RBFOX3: variants seen among roughly 807,000 people sequenced by gnomAD.
RBFOX3 encodes the protein RNA binding protein fox-1 homolog 3.
A neutral mutation model predicts 48.7 loss-of-function variants in RBFOX3; 17 were observed. The ratio of observed to expected loss-of-function variants is 0.35; its 90% confidence interval spans 0.24 to 0.52. RBFOX3 has a LOEUF of 0.52. Among genes scored for constraint, RBFOX3 ranks in the 20% least tolerant of loss-of-function variants. The probability of loss-of-function intolerance (pLI) is 0.94; values close to 1 mark genes in which losing one functional copy is unlikely to be tolerated. For missense variants in RBFOX3, 382 were observed against 497.5 expected, an observed-to-expected ratio of 0.77 and a Z score of 2.21; for synonymous variants, 212 against 209.5, an observed-to-expected ratio of 1.01 and a Z score of -0.10.
chr17:79,621,379 G>C, the RBFOX3 span, among the ~76,000 whole-genome samples: 1 of 152,298 alleles, frequency 6.6e-6, no homozygotes, highest in East Asian at 1.9e-4. Flanking sequence ...CGTTGAGCAG[G>C]AATGGAGCCC....
At chr17:79,434,917 C>T (rs557405212) in intron 2 of RBFOX3, among the ~76,000 whole-genome samples, 2 of 152,286 alleles carry the variant, frequency 1.3e-5, no homozygotes, top group East Asian at 3.9e-4. Flanking sequence ...AATGACTGTG[C>T]TCCAAGCAGG....
intron 3 of RBFOX3, among the ~76,000 whole-genome samples, chr17:79,284,904 T>C (rs149497108): frequency 0.03 from 4,628 of 152,194 alleles, 115 homozygotes; most frequent in East Asian, 0.069. Flanking sequence ...GATGGCAAGC[T>C]TGGGGCCCTT....
intron 1 of RBFOX3, among the ~76,000 whole-genome samples, chr17:79,554,495 AC>A (rs1235785577): frequency 3.3e-5 from 5 of 151,866 alleles, no homozygotes; most frequent in African/African-American, 1.2e-4. Context: ...ACTCACAGTC[AC>A]CCCCGACCTG....
At chr17:79,093,842 C>A (rs563616165) in intron 14 of RBFOX3, among the ~76,000 whole-genome samples, 2 of 151,140 alleles carry the variant, frequency 1.3e-5, no homozygotes, top group African/African-American at 2.4e-5. Context: ...CACGCCACGC[C>A]GCGCACCTCC....
At chr17:79,559,899 T>C (rs1183375522) in intron 1 of RBFOX3, among the ~76,000 whole-genome samples, 1 of 82,406 alleles carries the variant, frequency 1.2e-5, no homozygotes, top group African/African-American at 4.9e-5. Context: ...GGTGGATGGG[T>C]GGGTGGGTGA....
chr17:79,178,403 A>T (rs972335546), intron 4 of RBFOX3, among the ~76,000 whole-genome samples: 5 of 152,216 alleles, frequency 3.3e-5, no homozygotes, highest in Non-Finnish European at 7.3e-5. Flanking sequence ...ATGGCCAAGA[A>T]AAGGGGTTGG....
intron 1 of RBFOX3, among the ~76,000 whole-genome samples, chr17:79,543,733 T>C (rs1036979449): frequency 6.6e-6 from 1 of 152,182 alleles, no homozygotes; most frequent in Admixed American, 6.5e-5. Flanking sequence ...GCCCATTAAC[T>C]CATTAGTGCG....
intron 4 of RBFOX3, among the ~76,000 whole-genome samples, chr17:79,180,445 T>A (rs1031831966): frequency 3.3e-5 from 5 of 152,136 alleles, no homozygotes; most frequent in Admixed American, 2.6e-4. Flanking sequence ...AATGTGCTGT[T>A]GAGATTGAAT....
intron 3 of RBFOX3, among the ~76,000 whole-genome samples, chr17:79,264,878 G>A (rs969730524): frequency 3.9e-5 from 6 of 152,146 alleles, no homozygotes; most frequent in Middle Eastern, 3.4e-3. Flanking sequence ...TCCCCTGTAC[G>A]GTTCTGCAGG....
intron 4 of RBFOX3, among the ~76,000 whole-genome samples, chr17:79,132,393 A>G (rs1406655930): frequency 6.6e-6 from 1 of 152,160 alleles, no homozygotes; most frequent in African/African-American, 2.4e-5. Flanking sequence ...GCCCTATTCC[A>G]TGCACGTCCC....
At chr17:79,320,325 C>G (rs1002245694) in intron 2 of RBFOX3, among the ~76,000 whole-genome samples, 1 of 152,188 alleles carries the variant, frequency 6.6e-6, no homozygotes, top group African/African-American at 2.4e-5. Context: ...GCTGGCAGTC[C>G]AGACCCCTAC....
upstream of RBFOX3, among the ~76,000 whole-genome samples, chr17:79,611,204 T>C (rs2093966522): frequency 7.8e-6 from 1 of 128,872 alleles, no homozygotes; most frequent in African/African-American, 3.1e-5. Flanking sequence ...TCTCTCTCTC[T>C]CTCTCTCTCG....
chr17:79,281,586 G>A (rs1237399320), intron 3 of RBFOX3, among the ~76,000 whole-genome samples: 3 of 152,196 alleles, frequency 2.0e-5, no homozygotes, highest in Admixed American at 2.0e-4. Flanking sequence ...GGGTGAGCTT[G>A]GGTTGGCTCA....
chr17:79,644,974 A>G, the RBFOX3 span, among the ~76,000 whole-genome samples: 1 of 152,194 alleles, frequency 6.6e-6, no homozygotes, highest in South Asian at 2.1e-4. Flanking sequence ...GTTCAGAAAA[A>G]CAAAACACCT....
At position 79,111,743 on chromosome 17, in the gene RBFOX3, C is replaced by T. The variant is rs1366774483; in HGVS notation, c.222+3751G>A. On this transcript the variant is annotated intron_variant, in intron 5 of 14. Coordinates refer to ENST00000693108, the MANE Select transcript of RBFOX3 (RefSeq NM_001350451.2). The surrounding 1 kb of genome is among the most constrained non-coding windows in gnomAD (Gnocchi z 4.2). The stretch of plus-strand genomic sequence containing the variant: ...CCAACATGCCCGGCCCGTTAGCAAG[C>T]TGAGGGTCCCTTGAGCACAAAGACT... Among the ~76,000 whole-genome samples, 3 of 152,236 alleles carry T rather than the reference C, an allele frequency of 2.0e-5. No homozygotes were observed. The highest frequency in any genetic ancestry group is 4.4e-5 in the Non-Finnish European group (3 of 68,046).
Position 79,249,501 on chromosome 17 carries a change from C to G in RBFOX3, c.-73-13696G>C, listed in dbSNP as rs539406093. ...AACGGGCTTGGGGTGTGCTTTTTCA[C>G]CTGCAAACCGGCCAACCAGATCCCA... is the stretch of plus-strand genomic sequence containing the variant. On this transcript the variant is annotated intron_variant, in intron 3 of 14. Transcript: ENST00000693108. The surrounding 1 kb of genome is among the most constrained non-coding windows in gnomAD (Gnocchi z 4.1). Among the ~76,000 whole-genome samples the G allele has an allele frequency of 3.3e-5, 5 of 152,004 alleles. No homozygotes were observed. The highest frequency in any genetic ancestry group is 1.2e-4 in the African/African-American group (5 of 41,368).
Position 79,479,766 on chromosome 17 carries a change from C to T in RBFOX3, c.-175+2688G>A, listed in dbSNP as rs986605246. 1.3e-5 allele frequency among the ~76,000 whole-genome samples: 2 copies of T among 152,210 alleles called. No homozygotes were observed. The highest frequency in any genetic ancestry group is 1.5e-5 in the Non-Finnish European group (1 of 68,044). On this transcript the variant is annotated intron_variant, in intron 2 of 14. Coordinates refer to ENST00000693108, the MANE Select transcript of RBFOX3 (RefSeq NM_001350451.2). The surrounding 1 kb of genome is among the most constrained non-coding windows in gnomAD (Gnocchi z 5.1). ...CACAGAAAGGTGAGGCTGGGCCCCG[C>T]AACCTCCTTCTTGGAGGCAGCAGGA... is the stretch of plus-strand genomic sequence containing the variant.
intron 3 of RBFOX3, among the ~76,000 whole-genome samples, chr17:79,271,369 C>A (rs2067666480): frequency 6.6e-6 from 1 of 152,194 alleles, no homozygotes; most frequent in South Asian, 2.1e-4. Context: ...AGCCACCGTG[C>A]CCGGCCTAAA....
chr17:79,598,182 G>C (rs1238895593), intron 1 of RBFOX3: 2 of 152,302 alleles, frequency 1.3e-5, no homozygotes, highest in Non-Finnish European at 2.9e-5. Flanking sequence ...CTGCCTGCTG[G>C]AGGGTGACCA....
Sources: gnomAD v4.1 joint callset for allele counts (sites outside exome capture counted in the v4.1 genomes callset) on GRCh38, gnomAD v4.1.1 for gene constraint, Gnocchi (gnomAD v3.1) non-coding constraint, MANE v1.5 for transcripts, NCBI Gene and HGNC (gene_info 2026-07-23, HGNC 2026-07-21) for gene names.